Variants in GAREM1 observed in about 807,000 individuals in gnomAD.
GAREM1 encodes the protein GRB2 associated regulator of MAPK1 subtype 1.
In GAREM1, 26 loss-of-function variants were observed where a neutral mutation model predicts 71.3. The observed-to-expected ratio is 0.36, with a 90% CI of 0.27 to 0.51. The LOEUF (loss-of-function observed/expected upper bound fraction) is 0.51. Among genes scored for constraint, GAREM1 ranks in the 20% least tolerant of loss-of-function variants. The probability of loss-of-function intolerance (pLI) is 0.95; values close to 1 mark genes in which losing one functional copy is unlikely to be tolerated. For missense variants in GAREM1, 1,026 were observed against 1,103.1 expected, an observed-to-expected ratio of 0.93 and a Z score of 0.99; for synonymous variants, 440 against 433.2, an observed-to-expected ratio of 1.02 and a Z score of -0.20.
chr18:32,392,365 A>AG (rs2048211065), intron 2 of GAREM1, among the ~76,000 whole-genome samples: 1 of 152,170 alleles, frequency 6.6e-6, no homozygotes, highest in Non-Finnish European at 1.5e-5. Flanking sequence ...GTGAGGTGAG[A>AG]AGGCAGGTAT....
At chr18:32,464,690 C>G (rs754404684) in intron 1 of GAREM1, among the ~76,000 whole-genome samples, 1 of 152,180 alleles carries the variant, frequency 6.6e-6, no homozygotes, top group East Asian at 1.9e-4. Flanking sequence ...CTCTCAGCTT[C>G]TTCTTCTGTA....
In GAREM1 at chr18:32,288,066, G is replaced by C; in HGVS notation, c.531C>G (p.Ile177Met). 1 of 1,614,118 alleles carries C rather than the reference G, an allele frequency of 6.2e-7. No individual in the cohort carries two copies. The part of the protein sequence containing the change: ...TFKEKSRLNT[I>M]FKKIGKLNSI... ...AATTGAGCTTCCCAATCTTTTTGAA[G>C]ATTGTGTTGAGTCGTGACTTTTCCT... The change falls in exon 4 of 6, where the codon ATC becomes ATG. Residue 177 changes from isoleucine to methionine, a missense_variant. Ile to Met is a conservative substitution (Grantham distance 10). Transcript: ENST00000269209.
intron 1 of GAREM1, among the ~76,000 whole-genome samples, chr18:32,429,967 G>C (rs894752549): frequency 6.6e-6 from 1 of 152,204 alleles, no homozygotes; most frequent in Admixed American, 6.5e-5. Flanking sequence ...ATCATGGCTT[G>C]TCATGGACAA....
intron 3 of GAREM1, among the ~76,000 whole-genome samples, chr18:32,291,500 ATTTTT>A (rs552845525): frequency 6.7e-6 from 1 of 149,958 alleles, no homozygotes; most frequent in African/African-American, 2.4e-5. Context: ...GTCAACAAGA[ATTTTT>A]TTTTTATTAT....
Position 32,463,644 on chromosome 18 carries a change from A to G in GAREM1, c.121+6664T>C, listed in dbSNP as rs548861667. On this transcript the variant is annotated intron_variant, in intron 1 of 5. Coordinates refer to ENST00000269209, the MANE Select transcript of GAREM1 (RefSeq NM_001242409.2). Reference sequence around the variant, plus strand: ...GGGTGCAGTGATGTGATCTCAGCTCACTGCAAACTCCACCTCCCGGGTTCA... The same window carrying G: ...GGGTGCAGTGATGTGATCTCAGCTCGCTGCAAACTCCACCTCCCGGGTTCA... Among the ~76,000 whole-genome samples the G allele has an allele frequency of 2.7e-3, 392 of 144,374 alleles. 2 individuals carry two copies. Among genetic ancestry groups the G allele is most frequent in the Non-Finnish European group, 4.3e-3 (287 of 67,112 alleles). 94.7% of individuals were successfully genotyped at this position (144,374 alleles called of 152,430 possible).
rs915035764 is a variant in GAREM1, at chr18:32,339,534, G to A, written c.263-29211C>T. ...GAAGATGGGTTTGGGCTGGACCTAT[G>A]GGAAGGACTGCTGTCTGGACCACCT... On this transcript the variant is annotated intron_variant, in intron 2 of 5. Transcript: ENST00000269209. Among the ~76,000 whole-genome samples, 4 of 152,272 alleles carry A rather than the reference G, an allele frequency of 2.6e-5. No individual in the cohort carries two copies. In the South Asian group the frequency reaches 8.3e-4, roughly 32 times the overall value.
In GAREM1 at chr18:32,287,101, G is replaced by C. The variant is rs763060369; in HGVS notation, c.1496C>G (p.Thr499Ser). The C allele has an allele frequency of 2.0e-5, 32 of 1,613,940 alleles. No individual in the cohort carries two copies. Among genetic ancestry groups the C allele is most frequent in the African/African-American group, 4.0e-5 (3 of 74,958 alleles). ...CATSPLPIPG[T>S]LGAAVKSSDT... The stretch of plus-strand genomic sequence containing the variant: ...TGAAGACTTCACTGCTGCTCCCAGA[G>C]TCCCAGGGATGGGAAGAGGAGAAGT... Residue 499 changes from threonine to serine, a missense_variant, in exon 4 of 6, where the codon ACT (threonine) becomes AGT (serine). By Grantham distance (58) the Thr-to-Ser change is moderately conservative. Transcript: ENST00000269209. This position sits in a 1 kb window ranked among gnomAD's most constrained non-coding sequence, Gnocchi z 5.9.
At chr18:32,330,808 A>G (rs2047526307) in intron 2 of GAREM1, among the ~76,000 whole-genome samples, 1 of 152,202 alleles carries the variant, frequency 6.6e-6, no homozygotes. Flanking sequence ...TTTATTTAAT[A>G]TATCAGGAAG....
chr18:32,455,463 G>C (rs1310661261), intron 1 of GAREM1, among the ~76,000 whole-genome samples: 1 of 152,076 alleles, frequency 6.6e-6, no homozygotes, highest in Non-Finnish European at 1.5e-5. Flanking sequence ...ATCAAGCTGA[G>C]TGCAACTTGC....
intron 4 of GAREM1, among the ~76,000 whole-genome samples, chr18:32,272,370 C>T (rs1432830220): frequency 6.6e-6 from 1 of 152,212 alleles, no homozygotes; most frequent in Non-Finnish European, 1.5e-5. Context: ...CTGCAGGACC[C>T]ACAGCCCTGG....
chr18:32,399,150 A>G (rs2048286802), intron 1 of GAREM1, among the ~76,000 whole-genome samples: 1 of 152,208 alleles, frequency 6.6e-6, no homozygotes, highest in Non-Finnish European at 1.5e-5. Context: ...TCAATAAATT[A>G]GGTATTGATG....
At chr18:32,352,407 T>C (rs1374026260) in intron 2 of GAREM1, among the ~76,000 whole-genome samples, 5 of 152,142 alleles carry the variant, frequency 3.3e-5, no homozygotes, top group Admixed American at 2.0e-4. Flanking sequence ...GTTCCTTTCA[T>C]TGTAAGCTCA....
At chr18:32,413,129 G>T (rs2048436523) in intron 1 of GAREM1, 1 of 1,540,432 alleles carries the variant, frequency 6.5e-7, no homozygotes. Flanking sequence ...CTCCAATGAA[G>T]AGCTTCCTCA....
At chr18:32,272,709 C>T (rs373269096) in intron 4 of GAREM1, among the ~76,000 whole-genome samples, 2 of 152,080 alleles carry the variant, frequency 1.3e-5, no homozygotes, top group South Asian at 2.1e-4. Context: ...TTGCAACCTC[C>T]GCCTCCCAGG....
chr18:32,392,498 A>G (rs973606974), intron 2 of GAREM1, among the ~76,000 whole-genome samples: 8 of 152,280 alleles, frequency 5.3e-5, no homozygotes, highest in African/African-American at 1.7e-4. Context: ...CCAGACCACA[A>G]TGTTAATTTG....
At chr18:32,383,789 C>T (rs1001068991) in intron 2 of GAREM1, among the ~76,000 whole-genome samples, 2 of 152,060 alleles carry the variant, frequency 1.3e-5, no homozygotes, top group Admixed American at 1.3e-4. Context: ...GTTTTGAACC[C>T]CATCCCTGTT....
chr18:32,387,023 CTTT>C (rs11346918), intron 2 of GAREM1, among the ~76,000 whole-genome samples: 3,612 of 140,482 alleles, frequency 0.026, 102 homozygotes, highest in East Asian at 0.093. Flanking sequence ...GGTTTATATT[CTTT>C]TTTTTTTTAA....
chr18:32,279,279 G>A lies in GAREM1; in HGVS notation c.1566+7752C>T, dbSNP rs142901788. On this transcript the variant is annotated intron_variant, in intron 4 of 5. Coordinates refer to ENST00000269209, the MANE Select transcript of GAREM1 (RefSeq NM_001242409.2). ...CTGATACTGGTCTGTAGCCTGACAG[G>A]AACCAGGCTGCACAGCAGGAGGCGA... 1.2e-3 allele frequency among the ~76,000 whole-genome samples: 187 copies of A among 152,322 alleles called. 1 individual carries two copies. The Middle Eastern group carries it at 0.014, about 11-fold the overall frequency.
chr18:32,394,602 C>T (rs773788860), intron 1 of GAREM1, among the ~76,000 whole-genome samples: 2 of 152,130 alleles, frequency 1.3e-5, no homozygotes, highest in Non-Finnish European at 2.9e-5. Context: ...TGCTGCCCAT[C>T]ACCTCTTGAG....
Sources: allele counts gnomAD v4.1 joint callset (sites outside exome capture counted in the v4.1 genomes callset), GRCh38; gene constraint gnomAD v4.1.1; non-coding constraint Gnocchi (gnomAD v3.1); transcripts MANE v1.5; gene names NCBI Gene and HGNC (gene_info 2026-07-23, HGNC 2026-07-21).